The following ST3GAL1 variants were observed in gnomAD, a reference collection of about 807,000 sequenced individuals.
The protein encoded by ST3GAL1 is CMP-N-acetylneuraminate-beta-galactosamide-alpha-2,3-sialyltransferase 1.
ST3GAL1 carries 16 observed loss-of-function variants against 34.1 expected under a neutral mutation model. That is an observed-to-expected ratio of 0.47 (90% CI 0.32 to 0.71). The LOEUF is 0.71. ST3GAL1 is among the 30% of genes least tolerant of loss of function. The probability of loss-of-function intolerance (pLI) is 0.04; values close to 1 mark genes in which losing one functional copy is unlikely to be tolerated. For missense variants in ST3GAL1, 353 were observed against 447.4 expected, an observed-to-expected ratio of 0.79 and a Z score of 1.90; for synonymous variants, 191 against 184.7, an observed-to-expected ratio of 1.03 and a Z score of -0.28.
Position 133,570,864 on chromosome 8 carries a change from GAC to G in ST3GAL1, c.-582+827_-582+828del, listed in dbSNP as rs1260427114. ...CCCCACGCAGGTCACACACACGAGAGACACAGGCAAGTTGCTAACTTTTGTCA... is the reference window on the plus strand; with the variant it reads ...CCCCACGCAGGTCACACACACGAGAGACAGGCAAGTTGCTAACTTTTGTCA... On this transcript the variant is annotated intron_variant, in intron 1 of 9. Transcript: ENST00000522652. This position sits in a 1 kb window ranked among gnomAD's most constrained non-coding sequence, Gnocchi z 5.6. 6.6e-6 allele frequency among the ~76,000 whole-genome samples: 1 copy of G among 152,212 alleles called. No individual in the cohort carries two copies. Among genetic ancestry groups the G allele is most frequent in the African/African-American group, 2.4e-5 (1 of 41,458 alleles).
chr8:133,530,376 A>T (rs866230323), intron 2 of ST3GAL1, among the ~76,000 whole-genome samples: 1 of 151,990 alleles, frequency 6.6e-6, no homozygotes, highest in African/African-American at 2.4e-5. Context: ...CTGTCTCCCA[A>T]GTACAAGCAA....
intron 2 of ST3GAL1, among the ~76,000 whole-genome samples, chr8:133,500,458 G>A (rs1482378151): frequency 2.6e-5 from 4 of 152,166 alleles, no homozygotes; most frequent in Non-Finnish European, 4.4e-5. Context: ...TGCTCTTTGC[G>A]TCCTTTTCCC....
At chr8:133,500,458 G>C (rs1482378151) in intron 2 of ST3GAL1, among the ~76,000 whole-genome samples, 1 of 152,166 alleles carries the variant, frequency 6.6e-6, no homozygotes, top group Admixed American at 6.5e-5. Flanking sequence ...TGCTCTTTGC[G>C]TCCTTTTCCC....
chr8:133,459,413 C>G lies in ST3GAL1; in HGVS notation c.*351G>C, dbSNP rs1367745468. On this transcript the variant is annotated 3_prime_UTR_variant, in exon 10 of 10. Coordinates refer to ENST00000522652, the MANE Select transcript of ST3GAL1 (RefSeq NM_173344.3). This position sits in a 1 kb window ranked among gnomAD's most constrained non-coding sequence, Gnocchi z 4.7. ...CTTCCTGGGAAACTGTCCTGTCTCT[C>G]AGAATATAGGCATCTTCCACATTCA... is the stretch of plus-strand genomic sequence containing the variant. 4 of 187,840 alleles carry G rather than the reference C, an allele frequency of 2.1e-5. No homozygotes were observed. The highest frequency in any genetic ancestry group is 3.3e-5 in the Non-Finnish European group (3 of 92,204). 11.6% of individuals were successfully genotyped at this position (187,840 alleles called of 1,614,324 possible). A position where few individuals can be genotyped will look rare whatever the true frequency, so the allele number is the denominator to read the frequency against.
At chr8:133,548,485 G>A (rs747044277) in intron 1 of ST3GAL1, among the ~76,000 whole-genome samples, 1 of 152,150 alleles carries the variant, frequency 6.6e-6, no homozygotes, top group Non-Finnish European at 1.5e-5. Flanking sequence ...CTCCATAAGG[G>A]CAAGGGCATG....
chr8:133,488,874 G>C (rs371902617), intron 3 of ST3GAL1, among the ~76,000 whole-genome samples: 10 of 152,006 alleles, frequency 6.6e-5, no homozygotes, highest in Non-Finnish European at 1.0e-4. Flanking sequence ...AGACAGGGGG[G>C]GCCAGGCAAG....
intron 2 of ST3GAL1, among the ~76,000 whole-genome samples, chr8:133,535,862 G>A (rs990524611): frequency 1.4e-4 from 22 of 152,192 alleles, no homozygotes; most frequent in Non-Finnish European, 2.6e-4. Context: ...ACACTTCATA[G>A]ACTACAGTAC....
At chr8:133,477,252 G>T (rs1159525531) in intron 3 of ST3GAL1, among the ~76,000 whole-genome samples, 2 of 152,114 alleles carry the variant, frequency 1.3e-5, no homozygotes, top group Non-Finnish European at 2.9e-5. Flanking sequence ...CTGGGCTTCT[G>T]GTATCTATTA....
chr8:133,520,956 TG>T (rs1310461274), intron 2 of ST3GAL1, among the ~76,000 whole-genome samples: 4 of 109,580 alleles, frequency 3.7e-5, no homozygotes, highest in Non-Finnish European at 7.4e-5. Context: ...TTTTGTGGGT[TG>T]TTTTTTTTTT....
chr8:133,464,805 C>T lies in ST3GAL1; in HGVS notation c.656G>A (p.Ser219Asn). The T allele has an allele frequency of 6.2e-7, 1 of 1,613,582 alleles. No individual in the cohort carries two copies. Among genetic ancestry groups the T allele is most frequent in the Non-Finnish European group, 8.5e-7 (1 of 1,179,690 alleles). The change falls in exon 7 of 10, where the codon AGC becomes AAC. Residue 219 changes from serine (S) to asparagine (N), a missense_variant. Physicochemically the swap from Ser to Asn is conservative, Grantham distance 46. Coordinates refer to ENST00000522652, the MANE Select transcript of ST3GAL1 (RefSeq NM_173344.3). ...GGAAATGGTGCCCGTGGTGATGGCG[C>T]TCACCACCCACTCCAAGTCGATGGT... Reference protein sequence around the residue: ...FKTIDLEWVVSAITTGTISHT... With the variant: ...FKTIDLEWVVNAITTGTISHT...
chr8:133,557,489 C>T (rs972997230), intron 1 of ST3GAL1, among the ~76,000 whole-genome samples: 5 of 152,164 alleles, frequency 3.3e-5, no homozygotes, highest in African/African-American at 1.2e-4. Flanking sequence ...GGCCTCCTAT[C>T]CAGGTTCTGC....
At chr8:133,552,834 T>A (rs1037324431) in intron 1 of ST3GAL1, among the ~76,000 whole-genome samples, 3 of 152,152 alleles carry the variant, frequency 2.0e-5, no homozygotes, top group Non-Finnish European at 4.4e-5. Flanking sequence ...CAACCATAGG[T>A]TAAGTACAGA....
intron 2 of ST3GAL1, among the ~76,000 whole-genome samples, chr8:133,540,299 C>T (rs1818427934): frequency 6.6e-6 from 1 of 152,180 alleles, no homozygotes; most frequent in African/African-American, 2.4e-5. Context: ...TCGCTGCTGC[C>T]CATCGGAATA....
rs1815346629 is a variant in ST3GAL1 at position 133,457,571 on chromosome 8, G to A, written c.*2193C>T. On this transcript the variant is annotated 3_prime_UTR_variant, in exon 10 of 10. Coordinates refer to ENST00000522652, the MANE Select transcript of ST3GAL1 (RefSeq NM_173344.3). ...CTCAGTGATTTACCAGCCTTTCTCAGAAAAAAGAAAAGTCTTTAAAGTTTT... is the reference window on the plus strand; with the variant it reads ...CTCAGTGATTTACCAGCCTTTCTCAAAAAAAAGAAAAGTCTTTAAAGTTTT... 6.6e-6 allele frequency: 1 copy of A among 152,072 alleles called. No individual in the cohort carries two copies. The highest frequency in any genetic ancestry group is 2.4e-5 in the African/African-American group (1 of 41,402). The allele number at this position is 152,072 out of a possible 1,614,324, so 9.4% of individuals were successfully genotyped here.
At chr8:133,487,979 A>AC (rs56411613) in intron 3 of ST3GAL1, 1 of 150,926 alleles carries the variant, frequency 6.6e-6, no homozygotes, top group Non-Finnish European at 1.5e-5. Context: ...AAAAAAAAAA[A>AC]GGAGAGAGAA....
intron 1 of ST3GAL1, among the ~76,000 whole-genome samples, chr8:133,566,803 C>T (rs770098448): frequency 6.6e-6 from 1 of 152,160 alleles, no homozygotes; most frequent in Non-Finnish European, 1.5e-5. Context: ...GTTTTATACA[C>T]GGGCATTCCA....
intron 1 of ST3GAL1, among the ~76,000 whole-genome samples, chr8:133,568,601 T>C (rs1819475624): frequency 6.6e-6 from 1 of 152,120 alleles, no homozygotes; most frequent in African/African-American, 2.4e-5. Flanking sequence ...TTTGGTGGTG[T>C]GGGAGGGGCC....
chr8:133,524,879 A>C (rs1817918857), intron 2 of ST3GAL1, among the ~76,000 whole-genome samples: 1 of 152,250 alleles, frequency 6.6e-6, no homozygotes, highest in South Asian at 2.1e-4. Flanking sequence ...GCTTGGAGAC[A>C]CCAGGAACTG....
chr8:133,540,127 A>T (rs1340765940), intron 2 of ST3GAL1, among the ~76,000 whole-genome samples: 1 of 151,974 alleles, frequency 6.6e-6, no homozygotes, highest in Admixed American at 6.6e-5. Context: ...CCATCCTCAA[A>T]ATCACCCTCT....
Sources: allele counts gnomAD v4.1 joint callset (sites outside exome capture counted in the v4.1 genomes callset), GRCh38; gene constraint gnomAD v4.1.1; non-coding constraint Gnocchi (gnomAD v3.1); transcripts MANE v1.5; gene names NCBI Gene and HGNC (gene_info 2026-07-23, HGNC 2026-07-21).